The following PPIL2 variants were observed in gnomAD, a reference collection of about 807,000 sequenced individuals.
The protein encoded by PPIL2 is RING-type E3 ubiquitin-protein ligase PPIL2.
Under a neutral mutation model 75.2 loss-of-function variants are expected in PPIL2, and 50 were observed. The observed-to-expected ratio is 0.66, with a 90% CI of 0.53 to 0.84. PPIL2 has a LOEUF of 0.84. Among genes scored for constraint, PPIL2 ranks in the 40% least tolerant of loss-of-function variants. The pLI is 0.00. For missense variants in PPIL2, 590 were observed against 685.0 expected (o/e 0.86, Z 1.55); for synonymous variants, 245 against 258.8 (o/e 0.95, Z 0.51).
Position 21,673,251 on chromosome 22 carries a change from T to G in PPIL2, c.243+870T>G, listed in dbSNP as rs537465423. 1.7e-3 allele frequency among the ~76,000 whole-genome samples: 266 copies of G among 152,312 alleles called. 1 individual carries two copies. The highest frequency in any genetic ancestry group is 6.2e-3 in the African/African-American group (257 of 41,570). On this transcript the variant is annotated intron_variant, in intron 5 of 19. Coordinates refer to ENST00000398831, the MANE Select transcript of PPIL2 (RefSeq NM_014337.4). Reference sequence around the variant, plus strand: ...GTGATGTCTGCTGCTGGGAGCCACATTGGATCCCAGGGGCTTCCCCCAAGG... The same window carrying G: ...GTGATGTCTGCTGCTGGGAGCCACAGTGGATCCCAGGGGCTTCCCCCAAGG...
chr22:21,688,699 G>C (rs1285210609), intron 14 of PPIL2, 33 bp from the exon 15 acceptor site: 2 of 1,603,132 alleles, frequency 1.2e-6, no homozygotes, highest in African/African-American at 2.7e-5. Flanking sequence ...TGGGGCCCAG[G>C]CTTTCCTGCT....
intron 9 of PPIL2, among the ~76,000 whole-genome samples, 164 bp from the exon 10 acceptor site, chr22:21,684,589 C>T (rs540471629): frequency 6.6e-6 from 1 of 151,970 alleles, no homozygotes; most frequent in Non-Finnish European, 1.5e-5. Context: ...CTGGGGAGAC[C>T]TTCAGGCCTG....
In PPIL2 at chr22:21,696,999, C is replaced by A; in HGVS notation, c.*1509C>A. 1 of 1,547,466 alleles carries A rather than the reference C, an allele frequency of 6.5e-7. No individual in the cohort carries two copies. The highest frequency in any genetic ancestry group is 1.2e-5 in the South Asian group (1 of 83,970). On this transcript the variant is annotated 3_prime_UTR_variant, in exon 20 of 20. Coordinates refer to ENST00000398831, the MANE Select transcript of PPIL2 (RefSeq NM_014337.4). ...TGCGCCATGGCTGGCTCCTTCTCTTCTCCAGCCCATCCCTCTGCAGCCTGT... is the reference window on the plus strand; with the variant it reads ...TGCGCCATGGCTGGCTCCTTCTCTTATCCAGCCCATCCCTCTGCAGCCTGT...
intron 2 of PPIL2, chr22:21,670,355 TA>T: frequency 6.6e-7 from 1 of 1,510,862 alleles, no homozygotes; most frequent in Non-Finnish European, 8.8e-7. Context: ...TTAATGGAAG[TA>T]AAAAGTATGC....
At chr22:21,677,399 T>G (rs1241955790) in intron 6 of PPIL2, among the ~76,000 whole-genome samples, 21 of 152,192 alleles carry the variant, frequency 1.4e-4, no homozygotes, top group Admixed American at 1.4e-3. Flanking sequence ...CACTCCAGCC[T>G]GGGCAACATT....
chr22:21,688,964 G>A (rs1478362218), intron 15 of PPIL2, 115 bp downstream of exon 15: 6 of 1,017,910 alleles, frequency 5.9e-6, no homozygotes, highest in Non-Finnish European at 8.9e-6. Flanking sequence ...CCCAGACGGT[G>A]TACGGCACAC....
At chr22:21,692,435 T>G (rs1017890074) in intron 15 of PPIL2, among the ~76,000 whole-genome samples, 1 of 151,530 alleles carries the variant, frequency 6.6e-6, no homozygotes, top group Non-Finnish European at 1.5e-5. Flanking sequence ...ATTACAGGCG[T>G]GAGCCACTGT....
At chr22:21,674,090 C>T (rs2066739019) in intron 5 of PPIL2, among the ~76,000 whole-genome samples, 1 of 152,178 alleles carries the variant, frequency 6.6e-6, no homozygotes, top group Non-Finnish European at 1.5e-5. Flanking sequence ...GGCCCAGCCC[C>T]AGGAGGCTCC....
chr22:21,672,850 C>G (rs114266237), intron 5 of PPIL2, among the ~76,000 whole-genome samples: 1 of 152,182 alleles, frequency 6.6e-6, no homozygotes, highest in Non-Finnish European at 1.5e-5. Flanking sequence ...CTGTGCGAGA[C>G]GGAGGGTCGG....
chr22:21,688,719 C>T lies in PPIL2; in HGVS notation c.1022-13C>T, dbSNP rs369155346. 2 of 1,613,206 alleles carry T rather than the reference C, an allele frequency of 1.2e-6. No individual in the cohort carries two copies. The highest frequency in any genetic ancestry group is 8.5e-7 in the Non-Finnish European group (1 of 1,179,294). On this transcript the variant is annotated splice_polypyrimidine_tract_variant and intron_variant, in intron 14 of 19. Coordinates refer to ENST00000398831, the MANE Select transcript of PPIL2 (RefSeq NM_014337.4). The stretch of plus-strand genomic sequence containing the variant: ...CCCAGGCTTTCCTGCTCCCATGGGC[C>T]TTTCTCTTCCAGGTGGGGAGTCATA...
At chr22:21,688,929 A>G in intron 15 of PPIL2, 80 bp downstream of exon 15, 1 of 1,311,882 alleles carries the variant, frequency 7.6e-7, no homozygotes, top group East Asian at 2.3e-5. Flanking sequence ...GCCCTCTCTG[A>G]AGGGTGTGCT....
intron 15 of PPIL2, 142 bp downstream of exon 15, chr22:21,688,991 C>A: frequency 2.6e-6 from 2 of 780,272 alleles, no homozygotes; most frequent in Non-Finnish European, 4.1e-6. Context: ...CAAGCATGTG[C>A]ACCTGCGTTC....
chr22:21,688,580 T>TTG (rs2067482061), intron 14 of PPIL2, 152 bp from the exon 15 acceptor site: 4 of 719,074 alleles, frequency 5.6e-6, no homozygotes, highest in Middle Eastern at 3.7e-4. Context: ...GACCCAGGAG[T>TTG]TGGTGGCGTG....
At chr22:21,690,324 C>A (rs1265311050) in intron 15 of PPIL2, among the ~76,000 whole-genome samples, 1 of 151,504 alleles carries the variant, frequency 6.6e-6, no homozygotes, top group Non-Finnish European at 1.5e-5. Flanking sequence ...GTCAAAGCTG[C>A]AGTGAGCTAG....
intron 15 of PPIL2, among the ~76,000 whole-genome samples, chr22:21,692,396 C>G (rs182267216): frequency 1.3e-5 from 2 of 151,448 alleles, no homozygotes; most frequent in Admixed American, 6.6e-5. Flanking sequence ...CCTTGTGATC[C>G]GCCCACCTTG....
chr22:21,678,365 G>A (rs1047556738), intron 6 of PPIL2, among the ~76,000 whole-genome samples: 11 of 152,168 alleles, frequency 7.2e-5, no homozygotes, highest in African/African-American at 2.7e-4. Flanking sequence ...CCAAGTAGCT[G>A]GGACTACAGG....
chr22:21,682,411 G>C, intron 7 of PPIL2, 26 bp from the exon 8 acceptor site: 1 of 1,604,500 alleles, frequency 6.2e-7, no homozygotes. Flanking sequence ...GGCAGGCATC[G>C]TAAAACCACT....
chr22:21,682,535 C>A lies in PPIL2; in HGVS notation c.477+9C>A, dbSNP rs564696488. The A allele has an allele frequency of 5.6e-6, 9 of 1,608,650 alleles. No homozygotes were observed. The East Asian group carries it at 2.0e-4, about 36-fold the overall frequency. ...ACATCATCACCCTCCAGGTGAGTGT[C>A]CCCTGCCTGCCTGCCCCAGCTGCCT... On this transcript the variant is annotated intron_variant, in intron 8 of 19. Coordinates refer to ENST00000398831, the MANE Select transcript of PPIL2 (RefSeq NM_014337.4).
At chr22:21,698,988 CTG>C (rs2068035757), downstream of PPIL2, 2 of 152,444 alleles carry the variant, frequency 1.3e-5, no homozygotes, top group African/African-American at 4.8e-5. Flanking sequence ...ACTTCTGCCT[CTG>C]TCACTCCTGC....
Sources: allele counts gnomAD v4.1 joint callset (sites outside exome capture counted in the v4.1 genomes callset), GRCh38; gene constraint gnomAD v4.1.1; transcripts MANE v1.5; gene names NCBI Gene and HGNC (gene_info 2026-07-23, HGNC 2026-07-21).